VEPH1: variants seen among roughly 807,000 people sequenced by gnomAD.
The protein encoded by VEPH1 is ventricular zone-expressed PH domain-containing protein homolog 1.
A neutral mutation model predicts 85.2 loss-of-function variants in VEPH1; 80 were observed. That is an observed-to-expected ratio of 0.94 (90% confidence interval 0.78 to 1.13). The LOEUF (loss-of-function observed/expected upper bound fraction) is 1.13, where lower values mean the gene tolerates loss of function less well. Ranked by LOEUF, VEPH1 falls within the 50% of genes most tolerant of loss-of-function variation. The pLI, the probability that VEPH1 is intolerant of heterozygous loss-of-function variation, is 0.00. For synonymous variants in VEPH1, 297 were observed against 348.0 expected, an observed-to-expected ratio of 0.85 and a Z score of 1.63; for missense variants, 955 against 980.5, an observed-to-expected ratio of 0.97 and a Z score of 0.35.
chr3:157,280,886 C>G (rs1451768370), intron 12 of VEPH1, among the ~76,000 whole-genome samples: 1 of 152,118 alleles, frequency 6.6e-6, no homozygotes, highest in Non-Finnish European at 1.5e-5. Flanking sequence ...TTATTAAACA[C>G]TATAATGTGC....
At position 157,309,623 on chromosome 3, in the gene VEPH1, C is replaced by G. The variant is rs150681285; in HGVS notation, c.2010+3998G>C. 3.4e-3 allele frequency among the ~76,000 whole-genome samples: 511 copies of G among 152,006 alleles called. 4 individuals are homozygous for G. The highest frequency in any genetic ancestry group is 0.012 in the African/African-American group (491 of 41,474). On this transcript the variant is annotated intron_variant, in intron 11 of 13. Coordinates refer to ENST00000362010, the MANE Select transcript of VEPH1 (RefSeq NM_001167912.2). ...AAAAATTTGAACTATTGAATTCATG[C>G]ATTTTACTAAGTTCACTAATATTAA... is the stretch of plus-strand genomic sequence containing the variant.
At chr3:157,295,737 TTG>T (rs1718043074) in intron 11 of VEPH1, among the ~76,000 whole-genome samples, 1 of 152,134 alleles carries the variant, frequency 6.6e-6, no homozygotes, top group African/African-American at 2.4e-5. Context: ...GGCGGATCAC[TTG>T]AGCTCAGGAG....
intron 4 of VEPH1, among the ~76,000 whole-genome samples, chr3:157,455,824 G>A (rs1735328542): frequency 6.6e-6 from 1 of 152,146 alleles, no homozygotes; most frequent in South Asian, 2.1e-4. Context: ...GCCAGTCTAT[G>A]ATTGATGGGC....
At chr3:157,336,522 T>G (rs776532847) in intron 9 of VEPH1, among the ~76,000 whole-genome samples, 1 of 152,218 alleles carries the variant, frequency 6.6e-6, no homozygotes, top group Non-Finnish European at 1.5e-5. Context: ...CTGCCCAACA[T>G]TGTGTTGATT....
At chr3:157,280,784 G>A (rs528255947) in intron 12 of VEPH1, among the ~76,000 whole-genome samples, 8 of 152,268 alleles carry the variant, frequency 5.3e-5, no homozygotes, top group African/African-American at 1.7e-4. Flanking sequence ...TTTTCAAGTT[G>A]CATTTCAAAA....
intron 11 of VEPH1, among the ~76,000 whole-genome samples, chr3:157,293,109 C>A (rs142817398): frequency 1.3e-5 from 2 of 152,032 alleles, no homozygotes; most frequent in East Asian, 3.9e-4. Flanking sequence ...TTGTGCAATA[C>A]GGCAAGAAGA....
intron 9 of VEPH1, among the ~76,000 whole-genome samples, chr3:157,337,751 C>T (rs1265763626): frequency 6.6e-6 from 1 of 152,104 alleles, no homozygotes; most frequent in Non-Finnish European, 1.5e-5. Context: ...TTTCAACTGT[C>T]ACCAAGTTAT....
intron 11 of VEPH1, among the ~76,000 whole-genome samples, chr3:157,305,183 C>G (rs1280016342): frequency 1.4e-5 from 2 of 139,250 alleles, no homozygotes; most frequent in African/African-American, 5.4e-5. Flanking sequence ...GATCTCGGCT[C>G]ACTGCAAGCT....
chr3:157,361,506 A>G (rs573152457), intron 9 of VEPH1, among the ~76,000 whole-genome samples: 3 of 152,200 alleles, frequency 2.0e-5, no homozygotes, highest in Non-Finnish European at 4.4e-5. Flanking sequence ...TGGATTTGCT[A>G]TTCTTCAACT....
At chr3:157,408,126 G>GT (rs1430353225) in intron 6 of VEPH1, among the ~76,000 whole-genome samples, 5 of 152,144 alleles carry the variant, frequency 3.3e-5, no homozygotes, top group African/African-American at 1.2e-4. Context: ...TCTTGGAGCT[G>GT]TACTTCAACC....
chr3:157,356,316 T>C (rs1424016260), intron 9 of VEPH1, among the ~76,000 whole-genome samples: 3 of 152,202 alleles, frequency 2.0e-5, no homozygotes, highest in African/African-American at 7.2e-5. Context: ...ACATAGGAAT[T>C]AGCTGTCTTT....
At chr3:157,410,202 G>A (rs1208754616) in intron 6 of VEPH1, among the ~76,000 whole-genome samples, 1 of 152,104 alleles carries the variant, frequency 6.6e-6, no homozygotes, top group Non-Finnish European at 1.5e-5. Flanking sequence ...TAAGGGAGAC[G>A]ATCCTAAGGC....
chr3:157,471,806 C>T (rs754230700), intron 2 of VEPH1, among the ~76,000 whole-genome samples: 2 of 151,456 alleles, frequency 1.3e-5, no homozygotes, highest in Non-Finnish European at 2.9e-5. Context: ...TATATCTCTA[C>T]GTTTCATTAT....
chr3:157,261,195 A>G lies in VEPH1; in HGVS notation c.2441T>C (p.Ile814Thr), dbSNP rs112208143. ...EKNAEEWLQC[I>T]NVAVAQAKER... The stretch of plus-strand genomic sequence containing the variant: ...TTTGGCTTGGGCAACTGCCACGTTG[A>G]TGCACTGGAGCCATTCTTCTGCATT... Residue 814 changes from isoleucine to threonine, a missense_variant, in exon 14 of 14, where the codon ATC becomes ACC. By Grantham distance (89) the Ile-to-Thr change is moderately conservative. Coordinates refer to ENST00000362010, the MANE Select transcript of VEPH1 (RefSeq NM_001167912.2). 3.1e-6 allele frequency: 5 copies of G among 1,613,826 alleles called. No homozygotes were observed. Among genetic ancestry groups the G allele is most frequent in the Non-Finnish European group, 4.2e-6 (5 of 1,179,800 alleles).
intron 9 of VEPH1, among the ~76,000 whole-genome samples, chr3:157,349,323 A>T (rs907946001): frequency 6.6e-6 from 1 of 152,228 alleles, no homozygotes; most frequent in African/African-American, 2.4e-5. Context: ...CATTTGAGAA[A>T]ATTCAATGTC....
At chr3:157,266,508 AT>A (rs1713668117) in intron 12 of VEPH1, among the ~76,000 whole-genome samples, 1 of 152,160 alleles carries the variant, frequency 6.6e-6, no homozygotes, top group African/African-American at 2.4e-5. Flanking sequence ...TCTGATTAAT[AT>A]CTTTCTGTCT....
chr3:157,455,115 T>C (rs534219133), intron 4 of VEPH1, among the ~76,000 whole-genome samples: 264 of 152,312 alleles, frequency 1.7e-3, no homozygotes, highest in Middle Eastern at 6.8e-3. Flanking sequence ...TACCCAGCAG[T>C]AGAATTGCTG....
chr3:157,438,045 A>G (rs927395371), intron 4 of VEPH1: 36 of 694,494 alleles, frequency 5.2e-5, no homozygotes, highest in East Asian at 3.0e-4. Context: ...GCGCACACAC[A>G]CACACACACA....
At chr3:157,265,432 A>G (rs1713495128) in intron 13 of VEPH1, 94 bp downstream of exon 13, 1 of 1,382,436 alleles carries the variant, frequency 7.2e-7, no homozygotes, top group Non-Finnish European at 9.8e-7. Context: ...AGATGGAAAA[A>G]TTATTAGAGT....
Sources: gnomAD v4.1 joint callset for allele counts (sites outside exome capture counted in the v4.1 genomes callset) on GRCh38, gnomAD v4.1.1 for gene constraint, MANE v1.5 for transcripts, NCBI Gene and HGNC (gene_info 2026-07-23, HGNC 2026-07-21) for gene names.